The following PPARGC1A variants were observed in gnomAD, a reference collection of about 807,000 sequenced individuals.
The protein encoded by PPARGC1A is peroxisome proliferator-activated receptor gamma coactivator 1-alpha.
A neutral mutation model predicts 88.7 loss-of-function variants in PPARGC1A; 25 were observed. That is an observed-to-expected ratio of 0.28 (90% CI 0.21 to 0.39). PPARGC1A has a LOEUF of 0.39. PPARGC1A is among the 10% of genes least tolerant of loss of function. The probability of loss-of-function intolerance (pLI) is 1.00; values close to 1 mark genes in which losing one functional copy is unlikely to be tolerated. For synonymous variants in PPARGC1A, 363 were observed against 355.6 expected (o/e 1.02, Z -0.24); for missense variants, 880 against 968.7 (o/e 0.91, Z 1.22).
the PPARGC1A span, among the ~76,000 whole-genome samples, chr4:24,352,146 A>G: frequency 6.6e-6 from 1 of 152,130 alleles, no homozygotes; most frequent in African/African-American, 2.4e-5. Context: ...GGGAGGCGAG[A>G]GGCCAGGAGA....
At position 23,813,943 on chromosome 4, in the gene PPARGC1A, T is replaced by A; in HGVS notation, c.1540A>T (p.Ser514Cys). 1 of 1,614,090 alleles carries A rather than the reference T, an allele frequency of 6.2e-7. No homozygotes were observed. The highest frequency in any genetic ancestry group is 1.1e-5 in the South Asian group (1 of 91,068). The change falls in exon 8 of 13, where the codon AGC becomes TGC. Residue 514 changes from serine to cysteine, a missense_variant. By Grantham distance (112) the Ser-to-Cys change is moderately radical. Transcript: ENST00000264867. ...GLAMDGLFDD[S>C]EDESDKLSYP... ...CTCAGTTTATCACTTTCATCTTCGC[T>A]GTCATCAAACAGGCCATCCATGGCT...
At chr4:23,806,365 A>G (rs2109383237) in intron 10 of PPARGC1A, among the ~76,000 whole-genome samples, 1 of 152,352 alleles carries the variant, frequency 6.6e-6, no homozygotes, top group Admixed American at 6.5e-5. Context: ...TGTATTAGAC[A>G]GATGAATAGA....
chr4:23,943,741 C>T, the PPARGC1A span, among the ~76,000 whole-genome samples: 1 of 152,130 alleles, frequency 6.6e-6, no homozygotes, highest in East Asian at 1.9e-4. Flanking sequence ...CCCATGACCT[C>T]CGGTGATCAA....
At chr4:24,046,336 G>A in the PPARGC1A span, among the ~76,000 whole-genome samples, 1 of 152,094 alleles carries the variant, frequency 6.6e-6, no homozygotes, top group Admixed American at 6.6e-5. Context: ...CTTCTCTGTT[G>A]ATTCCTGTCC....
At chr4:24,184,866 C>G in the PPARGC1A span, among the ~76,000 whole-genome samples, 5 of 151,870 alleles carry the variant, frequency 3.3e-5, no homozygotes, top group South Asian at 6.2e-4. Flanking sequence ...GGATAAGAAG[C>G]GGCAGAAAAG....
the PPARGC1A span, among the ~76,000 whole-genome samples, chr4:24,008,488 T>C: frequency 6.6e-6 from 1 of 152,142 alleles, no homozygotes; most frequent in Admixed American, 6.5e-5. Flanking sequence ...AGTCTCAGTG[T>C]AAAAATGCTA....
At chr4:24,470,273 C>CTGT in the PPARGC1A span, among the ~76,000 whole-genome samples, 10,510 of 123,250 alleles carry the variant, frequency 0.085, 633 homozygotes, top group African/African-American at 0.17. The surrounding 1 kb of genome is among the most constrained non-coding windows in gnomAD (Gnocchi z 5.8). Flanking sequence ...CATCGACAGA[C>CTGT]ACAGACACAC....
the PPARGC1A span, among the ~76,000 whole-genome samples, chr4:24,470,498 G>A: frequency 6.6e-6 from 1 of 152,048 alleles, no homozygotes; most frequent in Non-Finnish European, 1.5e-5. This position sits in a 1 kb window ranked among gnomAD's most constrained non-coding sequence, Gnocchi z 5.8. Flanking sequence ...CGCCGGCCAC[G>A]GGCAGCCGGG....
chr4:24,432,204 G>A, the PPARGC1A span, among the ~76,000 whole-genome samples: 10 of 152,222 alleles, frequency 6.6e-5, no homozygotes, highest in Non-Finnish European at 1.5e-5. Flanking sequence ...AAAGGTGGAA[G>A]GGGTTAGGAA....
At chr4:24,440,539 C>T in the PPARGC1A span, among the ~76,000 whole-genome samples, 5 of 152,208 alleles carry the variant, frequency 3.3e-5, no homozygotes, top group African/African-American at 9.6e-5. Flanking sequence ...CAGTGGCTCA[C>T]GCTTGTAATC....
At chr4:24,269,435 G>T in the PPARGC1A span, among the ~76,000 whole-genome samples, 1 of 152,130 alleles carries the variant, frequency 6.6e-6, no homozygotes, top group Non-Finnish European at 1.5e-5. Context: ...TCAGATATAA[G>T]ATGGTGATTT....
At chr4:24,368,139 A>G in the PPARGC1A span, among the ~76,000 whole-genome samples, 1 of 152,220 alleles carries the variant, frequency 6.6e-6, no homozygotes, top group African/African-American at 2.4e-5. Context: ...GCTTTGCTGT[A>G]TGTTAAGAGG....
chr4:24,284,436 T>A, the PPARGC1A span, among the ~76,000 whole-genome samples: 1 of 152,244 alleles, frequency 6.6e-6, no homozygotes, highest in African/African-American at 2.4e-5. Flanking sequence ...AACCACTCCA[T>A]TCACTTCTTC....
the PPARGC1A span, among the ~76,000 whole-genome samples, chr4:24,062,451 GA>G: frequency 2.6e-5 from 4 of 152,196 alleles, no homozygotes; most frequent in African/African-American, 9.7e-5. Context: ...TCTGCAAGTA[GA>G]ATTTCCCTAA....
the PPARGC1A span, among the ~76,000 whole-genome samples, chr4:23,935,119 C>T: frequency 6.6e-6 from 1 of 152,198 alleles, no homozygotes; most frequent in Non-Finnish European, 1.5e-5. Context: ...CAAAATACTA[C>T]TGGTGTCCTG....
the PPARGC1A span, among the ~76,000 whole-genome samples, chr4:24,155,117 G>GTTTTT: frequency 5.6e-5 from 8 of 143,412 alleles, no homozygotes; most frequent in African/African-American, 2.3e-4. Flanking sequence ...TCGAACCTCG[G>GTTTTT]TTTTGTTTTT....
the PPARGC1A span, among the ~76,000 whole-genome samples, chr4:23,992,757 C>G: frequency 6.6e-6 from 1 of 152,140 alleles, no homozygotes; most frequent in Non-Finnish European, 1.5e-5. Context: ...AGCTTTTCTG[C>G]TTTCATTTTA....
At chr4:23,892,322 G>A (rs942637312), upstream of PPARGC1A, among the ~76,000 whole-genome samples, 2 of 152,084 alleles carry the variant, frequency 1.3e-5, no homozygotes, top group Admixed American at 6.6e-5. Flanking sequence ...GAATTCAGAA[G>A]TAACAACATT....
chr4:24,036,260 TAG>T, the PPARGC1A span, among the ~76,000 whole-genome samples: 7 of 152,142 alleles, frequency 4.6e-5, no homozygotes, highest in African/African-American at 1.7e-4. Flanking sequence ...GACATAAAGG[TAG>T]AGAGACTAGA....
Sources: gnomAD v4.1 joint callset for allele counts (sites outside exome capture counted in the v4.1 genomes callset) on GRCh38, gnomAD v4.1.1 for gene constraint, Gnocchi (gnomAD v3.1) non-coding constraint, MANE v1.5 for transcripts, NCBI Gene and HGNC (gene_info 2026-07-23, HGNC 2026-07-21) for gene names.